GRIA2: variants seen among roughly 807,000 people sequenced by gnomAD.
GRIA2 encodes the protein glutamate receptor 2.
Under a neutral mutation model 97.3 loss-of-function variants are expected in GRIA2, and 14 were observed. The observed-to-expected ratio is 0.14, with a 90% CI of 0.10 to 0.23. The LOEUF (loss-of-function observed/expected upper bound fraction) is 0.23. Ranked by LOEUF, GRIA2 falls within the 10% of genes least tolerant of loss-of-function variation. GRIA2 has a pLI of 1.00. For missense variants in GRIA2, 558 were observed against 1,069.8 expected (o/e 0.52, Z 6.67); for synonymous variants, 412 against 387.8 (o/e 1.06, Z -0.73).
In GRIA2 at chr4:157,364,300, C is replaced by T. The variant is rs886555389; in HGVS notation, c.*869C>T. 6.6e-6 allele frequency: 1 copy of T among 152,156 alleles called. No individual in the cohort carries two copies. Among genetic ancestry groups the T allele is most frequent in the Non-Finnish European group, 1.5e-5 (1 of 67,888 alleles). The allele number at this position is 152,156 out of a possible 1,614,324, so 9.4% of individuals were successfully genotyped here. A position where few individuals can be genotyped will look rare whatever the true frequency, so the allele number is the denominator to read the frequency against. Reference sequence around the variant, plus strand: ...TTCTATTGTTTTATTGCAAGTGGTCCAATTAATTTTGCTTAGCTACAGTTT... The same window carrying T: ...TTCTATTGTTTTATTGCAAGTGGTCTAATTAATTTTGCTTAGCTACAGTTT... On this transcript the variant is annotated 3_prime_UTR_variant, in exon 16 of 16. Transcript: ENST00000264426.
chr4:157,313,957 G>A (rs1363113064), intron 4 of GRIA2, among the ~76,000 whole-genome samples: 2 of 151,952 alleles, frequency 1.3e-5, no homozygotes, highest in Admixed American at 6.6e-5. Context: ...AAAATCATAA[G>A]GAAAACATAT....
chr4:157,243,215 T>C (rs1730582816), intron 2 of GRIA2, among the ~76,000 whole-genome samples: 1 of 152,112 alleles, frequency 6.6e-6, no homozygotes, highest in African/African-American at 2.4e-5. Context: ...AAATAAATTT[T>C]AGAGAGTAGG....
At chr4:157,232,345 C>A (rs1186246959) in intron 2 of GRIA2, among the ~76,000 whole-genome samples, 1 of 152,054 alleles carries the variant, frequency 6.6e-6, no homozygotes, top group Non-Finnish European at 1.5e-5. Context: ...GGTGTGTGTG[C>A]TTTGCTAGGT....
rs139481390 is a variant in GRIA2 at position 157,337,744 on chromosome 4, G to T, written c.1844+997G>T. On this transcript the variant is annotated intron_variant, in intron 11 of 15. Coordinates refer to ENST00000264426, the MANE Select transcript of GRIA2 (RefSeq NM_001083619.3). The stretch of plus-strand genomic sequence containing the variant: ...AACTGTATGAGAAGCTCAAAGATTT[G>T]CATCTTTTGCAATCTTTTTAGTATA... Among the ~76,000 whole-genome samples the T allele has an allele frequency of 5.8e-3, 876 of 151,524 alleles. 6 individuals carry two copies. Among genetic ancestry groups the T allele is most frequent in the African/African-American group, 0.02 (811 of 41,394 alleles).
At chr4:157,326,538 G>A (rs561646164) in intron 6 of GRIA2, among the ~76,000 whole-genome samples, 28 of 152,256 alleles carry the variant, frequency 1.8e-4, no homozygotes, top group Non-Finnish European at 3.1e-4. Flanking sequence ...TATCACCTAT[G>A]AGAAGCTCCT....
chr4:157,240,764 T>G (rs1197532411), intron 2 of GRIA2, among the ~76,000 whole-genome samples: 1 of 151,986 alleles, frequency 6.6e-6, no homozygotes, highest in Non-Finnish European at 1.5e-5. Context: ...ATTGTGCAGG[T>G]TAGTTACATA....
intron 2 of GRIA2, among the ~76,000 whole-genome samples, chr4:157,244,831 C>T (rs879673501): frequency 2.0e-5 from 3 of 151,948 alleles, no homozygotes; most frequent in Non-Finnish European, 4.4e-5. Context: ...TTTGGCTCCT[C>T]AGGCTGAATC....
At chr4:157,238,876 T>A (rs1174816641) in intron 2 of GRIA2, among the ~76,000 whole-genome samples, 1 of 152,176 alleles carries the variant, frequency 6.6e-6, no homozygotes, top group Non-Finnish European at 1.5e-5. Flanking sequence ...TTAAAATTCT[T>A]ACCTATTTGA....
chr4:157,253,531 CTGTT>C (rs963346525), intron 2 of GRIA2, among the ~76,000 whole-genome samples: 53 of 152,160 alleles, frequency 3.5e-4, no homozygotes, highest in African/African-American at 1.2e-3. Flanking sequence ...TCTTCTGAAA[CTGTT>C]TGAGAACTGC....
intron 12 of GRIA2, chr4:157,341,926 T>C (rs1735567137): frequency 6.5e-6 from 1 of 154,390 alleles, no homozygotes; most frequent in Non-Finnish European, 1.4e-5. Flanking sequence ...GAATTTTCTG[T>C]GCAAAGCTTC....
intron 2 of GRIA2, among the ~76,000 whole-genome samples, chr4:157,299,598 G>A (rs1205927075): frequency 2.6e-5 from 4 of 152,102 alleles, no homozygotes; most frequent in Non-Finnish European, 5.9e-5. Context: ...CAGCACCAAT[G>A]AGCAGAGTGA....
Position 157,338,337 on chromosome 4 carries a change from G to A in GRIA2, c.1844+1590G>A, listed in dbSNP as rs183363975. Among the ~76,000 whole-genome samples, 124 of 151,912 alleles carry A rather than the reference G, an allele frequency of 8.2e-4. 2 individuals are homozygous for A. The East Asian group carries it at 0.016, about 19-fold the overall frequency. The stretch of plus-strand genomic sequence containing the variant: ...TTGGATAGTAGGGAGAAGTGTATGT[G>A]GGTTCATTATGAAGTAGGATGTGTC... On this transcript the variant is annotated intron_variant, in intron 11 of 15. Coordinates refer to ENST00000264426, the MANE Select transcript of GRIA2 (RefSeq NM_001083619.3).
chr4:157,228,607 A>T (rs1420088275), intron 2 of GRIA2, among the ~76,000 whole-genome samples: 1 of 152,042 alleles, frequency 6.6e-6, no homozygotes, highest in Admixed American at 6.6e-5. Context: ...AGGCTGGCCA[A>T]CATGGCGAAA....
chr4:157,223,706 G>A (rs1266718164), intron 2 of GRIA2, among the ~76,000 whole-genome samples: 1 of 152,178 alleles, frequency 6.6e-6, no homozygotes, highest in Non-Finnish European at 1.5e-5. Context: ...GGTATAGGAA[G>A]GACATAGGTT....
At chr4:157,228,217 C>T (rs757246677) in intron 2 of GRIA2, among the ~76,000 whole-genome samples, 1 of 152,168 alleles carries the variant, frequency 6.6e-6, no homozygotes, top group Non-Finnish European at 1.5e-5. Flanking sequence ...TTTAATTTTA[C>T]AGTAGATGTT....
At chr4:157,264,782 T>C (rs775392800) in intron 2 of GRIA2, among the ~76,000 whole-genome samples, 1 of 152,116 alleles carries the variant, frequency 6.6e-6, no homozygotes, top group Non-Finnish European at 1.5e-5. Flanking sequence ...AGAAGAGCTA[T>C]TCACTTTCTC....
upstream of GRIA2, chr4:157,220,347 G>T (rs1319746123): frequency 7.9e-5 from 12 of 152,252 alleles, no homozygotes; most frequent in Admixed American, 7.9e-4. Flanking sequence ...CTCCGCAGCA[G>T]CTGCAACAGC....
In GRIA2 at chr4:157,302,640, A is replaced by T. The variant is rs192109577; in HGVS notation, c.230-912A>T. Among the ~76,000 whole-genome samples the T allele has an allele frequency of 5.1e-4, 77 of 152,312 alleles. No individual in the cohort carries two copies. The East Asian group carries it at 0.01, about 20-fold the overall frequency. On this transcript the variant is annotated intron_variant, in intron 2 of 15. Coordinates refer to ENST00000264426, the MANE Select transcript of GRIA2 (RefSeq NM_001083619.3). ...GAATTAATGTACCCTAGAACATGCC[A>T]GGCACAGGGCAAGCACAATGTTAAG... is the stretch of plus-strand genomic sequence containing the variant.
At chr4:157,249,044 G>A (rs1455832550) in intron 2 of GRIA2, among the ~76,000 whole-genome samples, 2 of 151,698 alleles carry the variant, frequency 1.3e-5, no homozygotes, top group Non-Finnish European at 2.9e-5. Context: ...TATGTTGCCC[G>A]GCCTGCTCTG....
Sources: gnomAD v4.1 joint callset for allele counts (sites outside exome capture counted in the v4.1 genomes callset) on GRCh38, gnomAD v4.1.1 for gene constraint, MANE v1.5 for transcripts, NCBI Gene and HGNC (gene_info 2026-07-23, HGNC 2026-07-21) for gene names.